CCDC134: variants seen among roughly 807,000 people sequenced by gnomAD.
CCDC134 encodes coiled-coil domain-containing protein 134.
A neutral mutation model predicts 25.6 loss-of-function variants in CCDC134; 27 were observed. That is an observed-to-expected ratio of 1.05 (90% confidence interval 0.78 to 1.45). The LOEUF is 1.45. CCDC134 is among the 40% of genes most tolerant of loss of function. The pLI is 0.00. For synonymous variants in CCDC134, 110 were observed against 115.0 expected, an observed-to-expected ratio of 0.96 and a Z score of 0.28; for missense variants, 261 against 286.7, an observed-to-expected ratio of 0.91 and a Z score of 0.65.
At chr22:41,808,801 G>C in intron 1 of CCDC134, 74 bp from the exon 2 acceptor site, 8 of 1,195,792 alleles carry the variant, frequency 6.7e-6, no homozygotes, top group Non-Finnish European at 9.9e-6. Flanking sequence ...GGAAGCTGCT[G>C]TTCACCTGTG....
At chr22:41,805,384 A>G (rs2076563219) in intron 1 of CCDC134, among the ~76,000 whole-genome samples, 1 of 152,204 alleles carries the variant, frequency 6.6e-6, no homozygotes. Flanking sequence ...GTGAGCCATG[A>G]TTATACCACT....
intron 1 of CCDC134, among the ~76,000 whole-genome samples, chr22:41,802,868 C>T (rs1456689328): frequency 2.6e-5 from 4 of 151,224 alleles, no homozygotes; most frequent in East Asian, 3.9e-4. Context: ...GAACCGAGAT[C>T]GCACCACTGC....
intron 1 of CCDC134, among the ~76,000 whole-genome samples, chr22:41,807,440 T>A (rs894599123): frequency 1.3e-5 from 2 of 151,770 alleles, no homozygotes; most frequent in African/African-American, 4.8e-5. Flanking sequence ...CATGCACCTG[T>A]AGTGCCAGCT....
At chr22:41,814,227 G>T (rs1265632057) in intron 6 of CCDC134, among the ~76,000 whole-genome samples, 2 of 152,166 alleles carry the variant, frequency 1.3e-5, no homozygotes, top group Non-Finnish European at 2.9e-5. Flanking sequence ...GGGGTTCCAG[G>T]GGGCTGAGGT....
At chr22:41,817,730 TTAAATAAATAAATAAATAAA>T (rs139570) in intron 6 of CCDC134, among the ~76,000 whole-genome samples, 1 of 141,676 alleles carries the variant, frequency 7.1e-6, no homozygotes, top group African/African-American at 2.7e-5. Context: ...AGACTCTGTC[TTAAATAAATAAATAAATAAA>T]TAAATAAATA....
rs373802921 is a variant in CCDC134 at position 41,827,545 on chromosome 22, T to C, written c.*1722T>C. ...CACAGCATGGGAGAGGGCCTGAGCA[T>C]AGGGACTCAAGGGGCCCGTTACAGA... On this transcript the variant is annotated 3_prime_UTR_variant, in exon 7 of 7. Coordinates refer to ENST00000255784, the MANE Select transcript of CCDC134 (RefSeq NM_024821.5). Among the ~76,000 whole-genome samples, 27 of 152,314 alleles carry C rather than the reference T, an allele frequency of 1.8e-4. 1 individual carries two copies. The highest frequency in any genetic ancestry group is 1.3e-3 in the Admixed American group (20 of 15,302).
At chr22:41,812,279 G>A (rs943969653) in intron 4 of CCDC134, among the ~76,000 whole-genome samples, 18 of 152,152 alleles carry the variant, frequency 1.2e-4, no homozygotes, top group African/African-American at 2.4e-4. Flanking sequence ...AAAAGTAGCC[G>A]GGTGTGGTGG....
rs754418819 is a variant in CCDC134 at position 41,808,860 on chromosome 22, G to T, written c.-16-15G>T. The T allele has an allele frequency of 6.4e-7, 1 of 1,569,758 alleles. No individual in the cohort carries two copies. The highest frequency in any genetic ancestry group is 1.4e-5 in the African/African-American group (1 of 73,982). ...TCTCTGAGTCTCACTCTCTTTCTTT[G>T]GGTTATTCTTCCAGCTCAAGAGGTT... is the stretch of plus-strand genomic sequence containing the variant. On this transcript the variant is annotated splice_polypyrimidine_tract_variant and intron_variant, in intron 1 of 6. Transcript: ENST00000255784.
intron 6 of CCDC134, among the ~76,000 whole-genome samples, chr22:41,824,641 T>C (rs1402415115): frequency 6.6e-6 from 1 of 152,054 alleles, no homozygotes. Context: ...GCGCTTGTAA[T>C]CCCAGCTACT....
In CCDC134 at chr22:41,831,011, G is replaced by A. The variant is rs1158034561; in HGVS notation, c.*5188G>A. Among the ~76,000 whole-genome samples, 1 of 149,736 alleles carries A rather than the reference G, an allele frequency of 6.7e-6. No individual in the cohort carries two copies. Among genetic ancestry groups the A allele is most frequent in the African/African-American group, 2.5e-5 (1 of 40,346 alleles). ...AGCAAGTCTCCTGCCTCAGCTTCCT[G>A]AGTAGCTGGGATTACAGGCATGCAC... is the stretch of plus-strand genomic sequence containing the variant. On this transcript the variant is annotated 3_prime_UTR_variant, in exon 7 of 7. Transcript: ENST00000255784.
chr22:41,823,644 G>A (rs540685786), intron 6 of CCDC134, among the ~76,000 whole-genome samples: 1 of 152,182 alleles, frequency 6.6e-6, no homozygotes, highest in Non-Finnish European at 1.5e-5. Flanking sequence ...TATCCATTTA[G>A]TCCCGTTCAG....
intron 4 of CCDC134, 90 bp from the exon 5 acceptor site, chr22:41,813,173 TG>T: frequency 7.5e-7 from 1 of 1,325,080 alleles, no homozygotes; most frequent in Non-Finnish European, 1.1e-6. Context: ...GTGGGTTTGG[TG>T]GATGTCTCTG....
In CCDC134 at chr22:41,827,469, G is replaced by T. The variant is rs1040943892; in HGVS notation, c.*1646G>T. On this transcript the variant is annotated 3_prime_UTR_variant, in exon 7 of 7. Transcript: ENST00000255784. ...TCTTGAACAAAGAATTGGGCAAAATGCACAAAGCAAGGAAGGAATGAAGGG... is the reference window on the plus strand; with the variant it reads ...TCTTGAACAAAGAATTGGGCAAAATTCACAAAGCAAGGAAGGAATGAAGGG... Among the ~76,000 whole-genome samples the T allele has an allele frequency of 1.3e-5, 2 of 152,176 alleles. No homozygotes were observed. The highest frequency in any genetic ancestry group is 2.9e-5 in the Non-Finnish European group (2 of 68,022).
chr22:41,809,771 A>G, intron 2 of CCDC134, 108 bp from the exon 3 acceptor site: 1 of 1,446,266 alleles, frequency 6.9e-7, no homozygotes, highest in Non-Finnish European at 9.4e-7. Flanking sequence ...CTGGGTGTCC[A>G]TGGCCCTTGC....
rs116139346 is a variant in CCDC134, at chr22:41,816,066, G to A, written c.564+2244G>A. Reference sequence around the variant, plus strand: ...TGTCTAAGACCAATCTGTTATCCACGACCACCCACATAAGAGAGTTTAGAT... The same window carrying A: ...TGTCTAAGACCAATCTGTTATCCACAACCACCCACATAAGAGAGTTTAGAT... On this transcript the variant is annotated intron_variant, in intron 6 of 6. Coordinates refer to ENST00000255784, the MANE Select transcript of CCDC134 (RefSeq NM_024821.5). Among the ~76,000 whole-genome samples, 706 of 152,122 alleles carry A rather than the reference G, an allele frequency of 4.6e-3. 11 individuals are homozygous for A. The highest frequency in any genetic ancestry group is 0.016 in the African/African-American group (674 of 41,470).
chr22:41,820,906 T>C (rs2076648769), intron 6 of CCDC134, among the ~76,000 whole-genome samples: 1 of 152,060 alleles, frequency 6.6e-6, no homozygotes, highest in African/African-American at 2.4e-5. Context: ...CCAAAAGCCG[T>C]GAGACAGGAC....
intron 6 of CCDC134, among the ~76,000 whole-genome samples, chr22:41,817,391 GT>G (rs1205390445): frequency 1.3e-5 from 2 of 152,120 alleles, no homozygotes; most frequent in East Asian, 3.8e-4. Flanking sequence ...AGGCTGTCTA[GT>G]TTGTCACCAC....
Position 41,827,230 on chromosome 22 carries a change from G to A in CCDC134, c.*1407G>A, listed in dbSNP as rs1379753345. ...CAGCTGGAAGAGAGCTGGGTGTGGGGGCTGGGAGGAGTGCTGGAGAAATTT... is the reference window on the plus strand; with the variant it reads ...CAGCTGGAAGAGAGCTGGGTGTGGGAGCTGGGAGGAGTGCTGGAGAAATTT... On this transcript the variant is annotated 3_prime_UTR_variant, in exon 7 of 7. Coordinates refer to ENST00000255784, the MANE Select transcript of CCDC134 (RefSeq NM_024821.5). Among the ~76,000 whole-genome samples, 6 of 152,170 alleles carry A rather than the reference G, an allele frequency of 3.9e-5. No individual in the cohort carries two copies. The highest frequency in any genetic ancestry group is 8.8e-5 in the Non-Finnish European group (6 of 68,038).
intron 5 of CCDC134, 75 bp from the exon 6 acceptor site, chr22:41,813,676 G>A: frequency 6.7e-7 from 1 of 1,484,766 alleles, no homozygotes; most frequent in East Asian, 2.3e-5. Flanking sequence ...CTGGGTCCCA[G>A]CATGGAAGGA....
Sources: allele counts gnomAD v4.1 joint callset (sites outside exome capture counted in the v4.1 genomes callset), GRCh38; gene constraint gnomAD v4.1.1; transcripts MANE v1.5; gene names NCBI Gene and HGNC (gene_info 2026-07-23, HGNC 2026-07-21).